The following BMPR1B variants were observed in gnomAD, a reference collection of about 807,000 sequenced individuals.
BMPR1B encodes the protein bone morphogenetic protein receptor type-1B.
A neutral mutation model predicts 59.1 loss-of-function variants in BMPR1B; 12 were observed. The ratio of observed to expected loss-of-function variants is 0.20; its 90% CI spans 0.13 to 0.33. The LOEUF (loss-of-function observed/expected upper bound fraction) is 0.33, where lower values mean the gene tolerates loss of function less well. Among genes scored for constraint, BMPR1B ranks in the 10% least tolerant of loss-of-function variants. The pLI is 1.00. For synonymous variants in BMPR1B, 237 were observed against 207.3 expected (o/e 1.14, Z -1.23); for missense variants, 550 against 610.9 (o/e 0.90, Z 1.05).
Position 95,158,195 on chromosome 4 carries a change from C to G in BMPR1B, c.*3522C>G, listed in dbSNP as rs1735545341. The G allele has an allele frequency of 6.6e-6, 1 of 152,064 alleles. No individual in the cohort carries two copies. The highest frequency in any genetic ancestry group is 1.5e-5 in the Non-Finnish European group (1 of 68,010). 9.4% of individuals were successfully genotyped at this position (152,064 alleles called of 1,614,324 possible). ...TGACTTAATTTAGCAATTGTGATTCCTCTTGTAAAACAAAACAAAAAAACA... is the reference window on the plus strand; with the variant it reads ...TGACTTAATTTAGCAATTGTGATTCGTCTTGTAAAACAAAACAAAAAAACA... On this transcript the variant is annotated 3_prime_UTR_variant, in exon 13 of 13. Coordinates refer to ENST00000515059, the MANE Select transcript of BMPR1B (RefSeq NM_001203.3).
chr4:94,766,402 C>G (rs1386189957), intron 1 of BMPR1B, among the ~76,000 whole-genome samples: 1 of 143,832 alleles, frequency 7.0e-6, no homozygotes, highest in Non-Finnish European at 1.5e-5. Context: ...GAAACCGGCT[C>G]CTGTCTTTTT....
At chr4:95,114,502 C>G (rs1413267499) in intron 4 of BMPR1B, among the ~76,000 whole-genome samples, 1 of 152,080 alleles carries the variant, frequency 6.6e-6, no homozygotes, top group Admixed American at 6.6e-5. Flanking sequence ...AGTTTCTGGA[C>G]AAAGGAGATA....
chr4:95,068,041 A>C (rs577118869), intron 3 of BMPR1B, among the ~76,000 whole-genome samples: 4 of 152,194 alleles, frequency 2.6e-5, no homozygotes, highest in Non-Finnish European at 5.9e-5. Context: ...GCACTGCTGG[A>C]GAACTGCACA....
chr4:95,009,140 C>G (rs760190367), intron 3 of BMPR1B, among the ~76,000 whole-genome samples: 12 of 152,132 alleles, frequency 7.9e-5, no homozygotes, highest in Middle Eastern at 3.2e-3. Context: ...AATAACAAAT[C>G]TTGGTGTGGA....
At chr4:94,797,946 A>G (rs767538626) in intron 1 of BMPR1B, among the ~76,000 whole-genome samples, 1 of 152,218 alleles carries the variant, frequency 6.6e-6, no homozygotes, top group Non-Finnish European at 1.5e-5. Context: ...GGATGAGTTT[A>G]TAACATGGAT....
At chr4:95,023,613 C>T (rs961814066) in intron 3 of BMPR1B, among the ~76,000 whole-genome samples, 2 of 151,910 alleles carry the variant, frequency 1.3e-5, no homozygotes, top group Non-Finnish European at 2.9e-5. Context: ...TCTTGAACTC[C>T]TGGGCTCAAG....
intron 3 of BMPR1B, among the ~76,000 whole-genome samples, chr4:95,018,489 C>T (rs1039488843): frequency 6.6e-6 from 1 of 152,108 alleles, no homozygotes; most frequent in Non-Finnish European, 1.5e-5. Context: ...TACCCTTAAC[C>T]ACACAGTACT....
chr4:95,015,985 C>T (rs774488334), intron 3 of BMPR1B, among the ~76,000 whole-genome samples: 18 of 152,064 alleles, frequency 1.2e-4, no homozygotes, highest in Non-Finnish European at 2.2e-4. Flanking sequence ...GCCACCGCGC[C>T]GGCTGGAACA....
chr4:94,859,770 A>G (rs1314103782), intron 1 of BMPR1B, among the ~76,000 whole-genome samples: 2 of 152,312 alleles, frequency 1.3e-5, no homozygotes, highest in East Asian at 3.9e-4. Context: ...TGAGAAATCC[A>G]TGAAAATAGC....
chr4:94,900,289 A>G (rs969066685), intron 2 of BMPR1B, among the ~76,000 whole-genome samples: 1 of 149,942 alleles, frequency 6.7e-6, no homozygotes, highest in African/African-American at 2.5e-5. Context: ...TGGATGGTGT[A>G]TTTTTACATA....
chr4:94,856,360 T>TA (rs1457159974), intron 1 of BMPR1B, among the ~76,000 whole-genome samples: 10 of 152,134 alleles, frequency 6.6e-5, no homozygotes, highest in African/African-American at 2.4e-4. Flanking sequence ...ATTCTCTTCT[T>TA]ATGTCTTTCT....
chr4:94,993,224 T>C (rs1240424527), intron 2 of BMPR1B, among the ~76,000 whole-genome samples: 1 of 152,136 alleles, frequency 6.6e-6, no homozygotes, highest in Non-Finnish European at 1.5e-5. Flanking sequence ...ACTGGTTTCT[T>C]TCCCTTGGCA....
At chr4:94,926,056 T>TC (rs112926290) in intron 2 of BMPR1B, among the ~76,000 whole-genome samples, 13,079 of 39,940 alleles carry the variant, frequency 0.33, 1,512 homozygotes, top group African/African-American at 0.5. Context: ...CTACCCTCCC[T>TC]CCCCCCCAAT....
intron 3 of BMPR1B, among the ~76,000 whole-genome samples, chr4:95,070,809 A>G (rs1044358532): frequency 6.6e-6 from 1 of 152,208 alleles, no homozygotes; most frequent in Admixed American, 6.5e-5. Context: ...AATGTATTGT[A>G]CATTTTGAAA....
At chr4:95,121,197 A>G (rs762296125) in intron 6 of BMPR1B, among the ~76,000 whole-genome samples, 1 of 152,356 alleles carries the variant, frequency 6.6e-6, no homozygotes, top group Non-Finnish European at 1.5e-5. Flanking sequence ...AAAGAATATG[A>G]AATACATAGG....
chr4:95,139,468 A>G (rs145426738), intron 10 of BMPR1B, among the ~76,000 whole-genome samples: 2,619 of 152,292 alleles, frequency 0.017, 77 homozygotes, highest in African/African-American at 0.06. Flanking sequence ...TTAAGTCTGC[A>G]GAAGTTTCTG....
chr4:94,914,038 G>A (rs1728386656), intron 2 of BMPR1B, among the ~76,000 whole-genome samples: 2 of 152,130 alleles, frequency 1.3e-5, no homozygotes. Context: ...CAAGTGATAG[G>A]AAGGAGGTAG....
chr4:94,761,471 G>A (rs1721768159), intron 1 of BMPR1B, among the ~76,000 whole-genome samples: 1 of 150,744 alleles, frequency 6.6e-6, no homozygotes, highest in Non-Finnish European at 1.5e-5. Context: ...GTTGAAGGGG[G>A]TTAGGGAGAA....
intron 1 of BMPR1B, among the ~76,000 whole-genome samples, chr4:94,782,695 A>G (rs1442535202): frequency 6.6e-6 from 1 of 152,180 alleles, no homozygotes; most frequent in Non-Finnish European, 1.5e-5. Context: ...TTATCATCAC[A>G]TCATCTTTTA....
Sources: gnomAD v4.1 joint callset for allele counts (sites outside exome capture counted in the v4.1 genomes callset) on GRCh38, gnomAD v4.1.1 for gene constraint, MANE v1.5 for transcripts, NCBI Gene and HGNC (gene_info 2026-07-23, HGNC 2026-07-21) for gene names.